The following TCP1 variants were observed in gnomAD, a reference collection of about 807,000 sequenced individuals.
The protein encoded by TCP1 is T-complex protein 1 subunit alpha.
In TCP1, 6 loss-of-function variants were observed where a neutral mutation model predicts 54.7. That is an observed-to-expected ratio of 0.11 (90% confidence interval 0.06 to 0.22). The LOEUF is 0.22. TCP1 is among the 10% of genes least tolerant of loss of function. The pLI is 1.00. For synonymous variants in TCP1, 225 were observed against 229.7 expected (o/e 0.98, Z 0.19); for missense variants, 511 against 678.2 (o/e 0.75, Z 2.74).
chr6:159,780,227 T>C (rs746120761), intron 9 of TCP1, 140 bp from the exon 10 acceptor site: 2 of 1,211,056 alleles, frequency 1.7e-6, no homozygotes, highest in Admixed American at 1.7e-5. Flanking sequence ...CTACACAGGA[T>C]ATTTAGATAT....
chr6:159,779,386 T>C (rs1462768928), intron 11 of TCP1, 125 bp from the exon 12 acceptor site: 9 of 1,025,946 alleles, frequency 8.8e-6, no homozygotes, highest in African/African-American at 1.6e-5. Flanking sequence ...GTAGGTAGTC[T>C]TTCTACCAAA....
rs564497997 is a variant in TCP1 at position 159,789,439 on chromosome 6, G to A, written c.30C>T (p.Asp10=). The change falls in exon 1 of 12, where the codon GAC becomes GAT. Residue 10 remains aspartate, a synonymous_variant. Coordinates refer to ENST00000321394, the MANE Select transcript of TCP1 (RefSeq NM_030752.3). ...AGCGGATCGTTTCCCCAGTGCTGCG[G>A]TCACCGAACACGGACAAAGGCCCCT... MEGPLSVFG[D]RSTGETIRSQ... 3.1e-5 allele frequency: 50 copies of A among 1,613,902 alleles called. No homozygotes were observed. The highest frequency in any genetic ancestry group is 2.2e-4 in the Admixed American group (13 of 60,026).
chr6:159,785,188 A>G (rs1162229778), intron 5 of TCP1, 198 bp downstream of exon 5: 3 of 613,780 alleles, frequency 4.9e-6, no homozygotes, highest in Non-Finnish European at 8.6e-6. Context: ...GCGTGCGCGC[A>G]ACACATGCGC....
At chr6:159,779,828 G>GA (rs747719891) in intron 10 of TCP1, 38 bp from the exon 11 acceptor site, 1,633 of 1,485,818 alleles carry the variant, frequency 1.1e-3, no homozygotes, top group Admixed American at 2.6e-3. Context: ...TCACAAAAGG[G>GA]AAAAAAAAAA....
intron 7 of TCP1, among the ~76,000 whole-genome samples, chr6:159,781,445 A>T (rs777003308): frequency 3.3e-5 from 5 of 152,180 alleles, no homozygotes; most frequent in African/African-American, 4.8e-5. Context: ...CAAGCACATA[A>T]AAGACATAAA....
chr6:159,785,668 A>T (rs1468001886), intron 4 of TCP1, 172 bp from the exon 5 acceptor site: 1 of 795,382 alleles, frequency 1.3e-6, no homozygotes, highest in Admixed American at 1.7e-5. Flanking sequence ...GGCAAGTTTA[A>T]TCTATCCCAT....
Position 159,781,040 on chromosome 6 carries a change from C to T in TCP1, c.868G>A (p.Gly290Ser), listed in dbSNP as rs146349098. The T allele has an allele frequency of 5.8e-5, 94 of 1,613,260 alleles. No homozygotes were observed. The East Asian group carries it at 2.0e-3, about 34-fold the overall frequency. Residue 290 changes from glycine to serine, a missense_variant, in exon 8 of 12, where the codon GGT becomes AGT. Gly to Ser is a moderately conservative substitution (Grantham distance 56). This residue lies in a region of TCP1 where 305 missense variants were observed against 352.8 expected (regional missense o/e 0.86). Coordinates refer to ENST00000321394, the MANE Select transcript of TCP1 (RefSeq NM_030752.3). ...ATGANVILTT[G>S]GIDDMCLKYF... ...TTCAGACACATATCATCAATTCCAC[C>T]AGTGGTTAGAATAACATTGGCACCA...
intron 7 of TCP1, 137 bp from the exon 8 acceptor site, chr6:159,781,247 G>T: frequency 2.4e-6 from 2 of 826,648 alleles, no homozygotes; most frequent in Non-Finnish European, 3.5e-6. Flanking sequence ...ATTTAAATTA[G>T]TCCAATTCAT....
intron 7 of TCP1, among the ~76,000 whole-genome samples, chr6:159,783,632 C>T (rs1268511614): frequency 6.6e-6 from 1 of 152,080 alleles, no homozygotes; most frequent in Admixed American, 6.6e-5. Flanking sequence ...TCTGGCATGC[C>T]AACCACTAAT....
At position 159,778,886 on chromosome 6, in the gene TCP1, G is replaced by A; in HGVS notation, c.*159C>T. The A allele has an allele frequency of 6.2e-7, 1 of 1,605,946 alleles. No individual in the cohort carries two copies. Among genetic ancestry groups the A allele is most frequent in the Non-Finnish European group, 8.5e-7 (1 of 1,174,554 alleles). On this transcript the variant is annotated 3_prime_UTR_variant, in exon 12 of 12. Coordinates refer to ENST00000321394, the MANE Select transcript of TCP1 (RefSeq NM_030752.3). ...TTTTAAACTAATAAAGTACTAGGTT[G>A]CAATATGTGAAATCAGAGGACCAAA...
At chr6:159,786,365 T>C (rs535620784) in intron 3 of TCP1, among the ~76,000 whole-genome samples, 2 of 152,330 alleles carry the variant, frequency 1.3e-5, no homozygotes, top group South Asian at 4.1e-4. Flanking sequence ...TATTGTATTA[T>C]AAATGCAAAT....
intron 9 of TCP1, 138 bp downstream of exon 9, chr6:159,780,301 ACAGT>A: frequency 1.5e-6 from 2 of 1,354,952 alleles, no homozygotes; most frequent in Non-Finnish European, 2.1e-6. Context: ...ATCTCAATTT[ACAGT>A]GGCCCAATGT....
chr6:159,785,378 A>C lies in TCP1; in HGVS notation c.488+8T>G. 1 of 1,602,058 alleles carries C rather than the reference A, an allele frequency of 6.2e-7. No individual in the cohort carries two copies. The highest frequency in any genetic ancestry group is 8.5e-7 in the Non-Finnish European group (1 of 1,170,958). ...AGTCTAAATTTTATCTGACAACCACAAGGATACATTCCAATGATTTTGGAA... is the reference window on the plus strand; with the variant it reads ...AGTCTAAATTTTATCTGACAACCACCAGGATACATTCCAATGATTTTGGAA... On this transcript the variant is annotated splice_region_variant and intron_variant, in intron 5 of 11. Coordinates refer to ENST00000321394, the MANE Select transcript of TCP1 (RefSeq NM_030752.3).
chr6:159,780,358 T>C lies in TCP1; in HGVS notation c.1097+85A>G, dbSNP rs747440224. 5 of 1,595,794 alleles carry C rather than the reference T, an allele frequency of 3.1e-6. No individual in the cohort carries two copies. The South Asian group carries it at 5.6e-5, about 18-fold the overall frequency. The stretch of plus-strand genomic sequence containing the variant: ...ATAACTGCTCGTATCACTGTGAGAC[T>C]ACAAGCAGCAAATAAATGGGAAGAA... On this transcript the variant is annotated intron_variant, in intron 9 of 11. Coordinates refer to ENST00000321394, the MANE Select transcript of TCP1 (RefSeq NM_030752.3).
intron 7 of TCP1, among the ~76,000 whole-genome samples, chr6:159,782,716 G>A (rs1409767921): frequency 2.0e-5 from 3 of 152,118 alleles, no homozygotes; most frequent in African/African-American, 7.2e-5. Context: ...CTAGATAGAG[G>A]TATGTGTGTT....
At chr6:159,788,277 T>C in intron 1 of TCP1, 134 bp from the exon 2 acceptor site, 1 of 797,172 alleles carries the variant, frequency 1.3e-6, no homozygotes, top group Non-Finnish European at 2.0e-6. Flanking sequence ...GTGTTAATTA[T>C]TTAAAAACCA....
chr6:159,787,078 T>TAAAAAAAAAAAA (rs76955548), intron 3 of TCP1, among the ~76,000 whole-genome samples: 48 of 133,608 alleles, frequency 3.6e-4, no homozygotes, highest in Middle Eastern at 3.9e-3. Context: ...CCCTGTCTCT[T>TAAAAAAAAAAAA]AAAAAAAAAA....
chr6:159,783,854 G>C, intron 7 of TCP1, 87 bp downstream of exon 7: 1 of 1,460,086 alleles, frequency 6.8e-7, no homozygotes, highest in African/African-American at 1.4e-5. Context: ...AATTTTTCTG[G>C]AAGTAAAATA....
At chr6:159,779,384 T>A in intron 11 of TCP1, 123 bp from the exon 12 acceptor site, 1 of 1,022,050 alleles carries the variant, frequency 9.8e-7, no homozygotes, top group Non-Finnish European at 1.4e-6. Flanking sequence ...TTGTAGGTAG[T>A]CTTTCTACCA....
Sources: allele counts gnomAD v4.1 joint callset (sites outside exome capture counted in the v4.1 genomes callset), GRCh38; gene constraint gnomAD v4.1.1; regional missense constraint gnomAD v4.1.1; transcripts MANE v1.5; gene names NCBI Gene and HGNC (gene_info 2026-07-23, HGNC 2026-07-21).